SYNE2: variants seen among roughly 807,000 people sequenced by gnomAD.
The protein encoded by SYNE2 is nesprin-2.
Under a neutral mutation model 856.3 loss-of-function variants are expected in SYNE2, and 431 were observed. That is an observed-to-expected ratio of 0.50 (90% CI 0.47 to 0.55). The LOEUF is 0.55. Ranked by LOEUF, SYNE2 falls within the 20% of genes least tolerant of loss-of-function variation. The pLI is 0.00. For synonymous variants in SYNE2, 2,923 were observed against 2,872.3 expected (o/e 1.02, Z -0.56); for missense variants, 8,129 against 8,023.2 (o/e 1.01, Z -0.50).
At chr14:63,846,228 T>G (rs1890223840) in intron 1 of SYNE2, among the ~76,000 whole-genome samples, 1 of 150,276 alleles carries the variant, frequency 6.7e-6, no homozygotes, top group Admixed American at 6.6e-5. Context: ...TTGTACTTTT[T>G]GGAGAGACAG....
At chr14:64,090,396 G>A (rs2097600452) in intron 59 of SYNE2, among the ~76,000 whole-genome samples, 2 of 152,162 alleles carry the variant, frequency 1.3e-5, no homozygotes, top group South Asian at 4.1e-4. Context: ...AGATTTCTAT[G>A]GATCAGATGT....
At chr14:63,818,523 T>C (rs1199308694) in intron 1 of SYNE2, among the ~76,000 whole-genome samples, 2 of 151,684 alleles carry the variant, frequency 1.3e-5, no homozygotes, top group Admixed American at 6.6e-5. Context: ...TCTCGAAATA[T>C]ATAAATAAAT....
chr14:64,065,010 G>T (rs374101228), intron 50 of SYNE2, among the ~76,000 whole-genome samples: 4 of 151,946 alleles, frequency 2.6e-5, no homozygotes, highest in East Asian at 3.9e-4. Context: ...GACTACAGGC[G>T]CATGCCACCA....
upstream of SYNE2, among the ~76,000 whole-genome samples, chr14:63,848,969 A>G (rs929496064): frequency 1.3e-5 from 2 of 152,154 alleles, no homozygotes; most frequent in African/African-American, 4.8e-5. Context: ...GCAACTTTCT[A>G]CTTTTATTAG....
rs760834433 is a variant in SYNE2 at position 63,977,915 on chromosome 14, A to G, written c.1304A>G (p.Asp435Gly). Reference protein sequence around the residue: ...EKMTLFKSLMDRFEHHSNILL... With the variant: ...EKMTLFKSLMGRFEHHSNILL... ...TGAATTTCTTTTCAGAGCCTGATGGATAGATTTGAGCATCATTCGAACATT... is the reference window on the plus strand; with the variant it reads ...TGAATTTCTTTTCAGAGCCTGATGGGTAGATTTGAGCATCATTCGAACATT... Residue 435 changes from aspartate (D) to glycine (G), a missense_variant, in exon 13 of 116, where the codon GAT becomes GGT. By Grantham distance (94) the Asp-to-Gly change is moderately conservative. This residue lies in a region of SYNE2 where 2,422 missense variants were observed against 2,357.4 expected (regional missense o/e 1.03). Coordinates refer to ENST00000555002, the MANE Select transcript of SYNE2 (RefSeq NM_182914.3). The G allele has an allele frequency of 3.1e-6, 5 of 1,612,318 alleles. No homozygotes were observed. Among genetic ancestry groups the G allele is most frequent in the South Asian group, 2.2e-5 (2 of 91,044 alleles).
intron 83 of SYNE2, among the ~76,000 whole-genome samples, chr14:64,144,923 C>CT (rs573628737): frequency 0.025 from 2,900 of 116,136 alleles, 93 homozygotes; most frequent in East Asian, 0.11. Flanking sequence ...ATTGGGGCAG[C>CT]TTTTTTTTTT....
intron 7 of SYNE2, among the ~76,000 whole-genome samples, chr14:63,953,451 T>G (rs1374909631): frequency 6.6e-6 from 1 of 152,172 alleles, no homozygotes; most frequent in Non-Finnish European, 1.5e-5. Context: ...GCCAAATCAC[T>G]TAGGGTCTGT....
chr14:64,119,728 G>C (rs1482276458), intron 67 of SYNE2, 119 bp downstream of exon 67: 1 of 995,414 alleles, frequency 1.0e-6, no homozygotes, highest in Non-Finnish European at 1.5e-6. Flanking sequence ...AAGTGTGAAA[G>C]AATTTCACAC....
At chr14:63,913,029 G>C (rs1233125022) in intron 2 of SYNE2, among the ~76,000 whole-genome samples, 1 of 152,058 alleles carries the variant, frequency 6.6e-6, no homozygotes, top group Non-Finnish European at 1.5e-5. Context: ...AAACTCCTGG[G>C]CTCAAGTGAT....
intron 1 of SYNE2, among the ~76,000 whole-genome samples, chr14:63,893,667 A>G (rs995908888): frequency 6.6e-6 from 1 of 152,240 alleles, no homozygotes; most frequent in African/African-American, 2.4e-5. Context: ...TATGGCATAC[A>G]CTATGCTACA....
chr14:64,221,686 G>C lies in SYNE2; in HGVS notation c.20172G>C (p.Glu6724Asp). ...AGGCAGACCCCCGGGCTCTCCTAGA[G>C]TGTCGGAGGGAACTAATGGTAAGTT... is the stretch of plus-strand genomic sequence containing the variant. ...DPKADPRALL[E>D]CRRELMQLEK... The change falls in exon 112 of 116, where the codon GAG becomes GAC. Residue 6724 changes from glutamate to aspartate, a missense_variant. By Grantham distance (45) the Glu-to-Asp change is conservative. This residue lies in a region of SYNE2 where 5,410 missense variants were observed against 5,284.8 expected (regional missense o/e 1.02). Transcript: ENST00000555002. 6.2e-7 allele frequency: 1 copy of C among 1,614,142 alleles called. No individual in the cohort carries two copies. The highest frequency in any genetic ancestry group is 1.1e-5 in the South Asian group (1 of 91,086).
intron 43 of SYNE2, 109 bp from the exon 44 acceptor site, chr14:64,029,786 G>C: frequency 7.7e-7 from 1 of 1,305,358 alleles, no homozygotes; most frequent in South Asian, 1.3e-5. Context: ...CCGTATTCCT[G>C]TTTCAAGATG....
At chr14:64,004,170 GC>G (rs1256226296) in intron 30 of SYNE2, among the ~76,000 whole-genome samples, 1 of 149,922 alleles carries the variant, frequency 6.7e-6, no homozygotes, top group Admixed American at 6.7e-5. Flanking sequence ...GACTACAGGC[GC>G]ATGCCACCAT....
chr14:64,202,463 A>G (rs1249189475), intron 99 of SYNE2, among the ~76,000 whole-genome samples: 1 of 152,158 alleles, frequency 6.6e-6, no homozygotes, highest in Non-Finnish European at 1.5e-5. Context: ...CTTAGGAAAA[A>G]ATGGCATATC....
chr14:64,174,041 A>C (rs1051513203), intron 94 of SYNE2: 7 of 615,274 alleles, frequency 1.1e-5, no homozygotes, highest in Non-Finnish European at 2.0e-5. Context: ...AGAAAAAAAT[A>C]AAAATAAACA....
Position 64,025,399 on chromosome 14 carries a change from A to AAG in SYNE2, c.6230_6231insAG (p.Glu2078GlyfsTer13). On this transcript the variant is annotated frameshift_variant, in exon 41 of 116. Transcript: ENST00000555002. LOFTEE classifies it high-confidence loss of function. ...TCATCCGAAGGCAAAATGCCACTTG[A>AAG]GGAAAGAATCCAAAAAATCAAGGTA... 4 of 1,613,076 alleles carry AAG rather than the reference A, an allele frequency of 2.5e-6. No individual in the cohort carries two copies. In the South Asian group the frequency reaches 4.4e-5, roughly 18 times the overall value.
In SYNE2 at chr14:64,130,063, A is replaced by G. The variant is rs1170540497; in HGVS notation, c.14155A>G (p.Met4719Val). The G allele has an allele frequency of 6.2e-7, 1 of 1,613,912 alleles. No individual in the cohort carries two copies. Among genetic ancestry groups the G allele is most frequent in the South Asian group, 1.1e-5 (1 of 91,068 alleles). The part of the protein sequence containing the change: ...VYKLEDVLDS[M>V]WGMLRARYTE... Reference sequence around the variant, plus strand: ...CTCTTTTCAGGATGTACTTGACAGTATGTGGGGAATGCTAAGAGCCAGGTA... The same window carrying G: ...CTCTTTTCAGGATGTACTTGACAGTGTGTGGGGAATGCTAAGAGCCAGGTA... Residue 4719 changes from methionine to valine, a missense_variant, in exon 76 of 116, where the codon ATG becomes GTG. Met to Val is a conservative substitution (Grantham distance 21). Around this residue, in one of 3 missense-constraint regions of SYNE2, gnomAD observed 5,410 missense variants for 5,284.8 expected, o/e 1.02. Transcript: ENST00000555002.
chr14:64,163,651 T>G (rs1595921511), intron 89 of SYNE2, 70 bp downstream of exon 89: 1 of 1,579,552 alleles, frequency 6.3e-7, no homozygotes, highest in East Asian at 2.2e-5. Context: ...CCTTGTATCC[T>G]TTGAAGCAGT....
At chr14:63,852,016 G>A (rs112225460), upstream of SYNE2, among the ~76,000 whole-genome samples, 5 of 91,932 alleles carry the variant, frequency 5.4e-5, 1 homozygote, top group African/African-American at 8.5e-5. Context: ...GAAATGGGGG[G>A]GGGGGGTTGA....
Sources: allele counts gnomAD v4.1 joint callset (sites outside exome capture counted in the v4.1 genomes callset), GRCh38; gene constraint gnomAD v4.1.1; regional missense constraint gnomAD v4.1.1; transcripts MANE v1.5; gene names NCBI Gene and HGNC (gene_info 2026-07-23, HGNC 2026-07-21).